Variants in DNAH11 observed in about 807,000 individuals in gnomAD.
DNAH11 encodes dynein axonemal heavy chain 11, also known as axonemal beta dynein heavy chain 11.
DNAH11 carries 442 observed loss-of-function variants against 526.0 expected under a neutral mutation model. The observed-to-expected ratio is 0.84, with a 90% CI of 0.78 to 0.91. The LOEUF is 0.91. DNAH11 is among the 40% of genes least tolerant of loss of function. DNAH11 has a pLI of 0.00. For synonymous variants in DNAH11, 2,461 were observed against 1,935.9 expected, an observed-to-expected ratio of 1.27 and a Z score of -7.12; for missense variants, 6,989 against 5,448.7, an observed-to-expected ratio of 1.28 and a Z score of -8.90.
chr7:21,843,574 G>C (rs1782299589), intron 66 of DNAH11, among the ~76,000 whole-genome samples: 1 of 150,630 alleles, frequency 6.6e-6, no homozygotes, highest in Non-Finnish European at 1.5e-5. Context: ...TCCGCCTCCT[G>C]GGTTCAAGCG....
intron 30 of DNAH11, among the ~76,000 whole-genome samples, chr7:21,662,977 A>G (rs1782293350): frequency 6.6e-6 from 1 of 151,826 alleles, no homozygotes; most frequent in African/African-American, 2.4e-5. Flanking sequence ...TCCACCCCTT[A>G]CCACCCCCTA....
At position 21,901,007 on chromosome 7, in the gene DNAH11, G is replaced by GCGCC; in HGVS notation, c.13308_13311dup (p.Trp4438ProfsTer11). The GCGCC allele has an allele frequency of 6.3e-7, 1 of 1,583,418 alleles. No individual in the cohort carries two copies. The highest frequency in any genetic ancestry group is 8.6e-7 in the Non-Finnish European group (1 of 1,165,298). ...TGCAACCGCTGTGTTTTTGCCATAGGCGCCCGCTGGGACACCCAAGCAGGA... is the reference window on the plus strand; with the variant it reads ...TGCAACCGCTGTGTTTTTGCCATAGGCGCCCGCCCGCTGGGACACCCAAGCAGGA... On this transcript the variant is annotated frameshift_variant and splice_region_variant, in exon 82 of 82. Coordinates refer to ENST00000409508, the MANE Select transcript of DNAH11 (RefSeq NM_001277115.2). LOFTEE classifies it high-confidence loss of function.
rs1427659505 is a variant in DNAH11 at position 21,655,823 on chromosome 7, TC to T, written c.4945-8del. 6 of 1,610,480 alleles carry T rather than the reference TC, an allele frequency of 3.7e-6. No individual in the cohort carries two copies. In the South Asian group the frequency reaches 6.6e-5, roughly 18 times the overall value. ...AATGTTCTTATCTTTTCTAATATTC[TC>T]ATTTTAGGTAACATGTCACCTTGCC... On this transcript the variant is annotated splice_polypyrimidine_tract_variant and splice_region_variant and intron_variant, in intron 28 of 81. Coordinates refer to ENST00000409508, the MANE Select transcript of DNAH11 (RefSeq NM_001277115.2).
intron 51 of DNAH11, among the ~76,000 whole-genome samples, chr7:21,745,898 A>C (rs1253324821): frequency 6.6e-6 from 1 of 152,226 alleles, no homozygotes; most frequent in Non-Finnish European, 1.5e-5. Context: ...GAGGAAGAAC[A>C]TTCTAGACAG....
intron 28 of DNAH11, among the ~76,000 whole-genome samples, chr7:21,648,718 T>C (rs147509404): frequency 1.6e-4 from 24 of 152,362 alleles, no homozygotes; most frequent in African/African-American, 5.5e-4. Context: ...GTTATGTATT[T>C]ACATATTTAT....
intron 77 of DNAH11, 85 bp downstream of exon 77, chr7:21,892,752 A>G (rs909011214): frequency 1.5e-5 from 22 of 1,427,112 alleles, no homozygotes; most frequent in East Asian, 2.5e-5. Context: ...GTGCAAATCA[A>G]TAAGTTTTTA....
At chr7:21,611,783 C>T (rs1313780038) in intron 20 of DNAH11, among the ~76,000 whole-genome samples, 1 of 152,178 alleles carries the variant, frequency 6.6e-6, no homozygotes, top group African/African-American at 2.4e-5. Context: ...GGGAAAAATT[C>T]TCTCTCAATA....
chr7:21,793,061 G>A (rs935142142), intron 61 of DNAH11, among the ~76,000 whole-genome samples: 10 of 152,054 alleles, frequency 6.6e-5, no homozygotes, highest in South Asian at 2.1e-4. Flanking sequence ...TCCATAGACC[G>A]AATATATTAG....
chr7:21,576,848 C>A (rs1784114103), intron 8 of DNAH11, among the ~76,000 whole-genome samples: 1 of 152,134 alleles, frequency 6.6e-6, no homozygotes. Flanking sequence ...AAGATTGAAA[C>A]TTACTTTGGG....
chr7:21,584,441 TA>T (rs1355572668), intron 9 of DNAH11, among the ~76,000 whole-genome samples: 1 of 151,732 alleles, frequency 6.6e-6, no homozygotes. Context: ...AGTGGGGGGC[TA>T]GGGGAGAGGT....
chr7:21,898,606 A>G (rs544683795), intron 79 of DNAH11, among the ~76,000 whole-genome samples: 4 of 152,236 alleles, frequency 2.6e-5, no homozygotes, highest in African/African-American at 9.6e-5. Context: ...GAAACTTACA[A>G]TTCAAGGTTT....
At chr7:21,828,735 T>G (rs59018856) in intron 65 of DNAH11, among the ~76,000 whole-genome samples, 1 of 150,024 alleles carries the variant, frequency 6.7e-6, no homozygotes, top group Non-Finnish European at 1.5e-5. Flanking sequence ...AATCTACTTA[T>G]GACTTTTTTT....
At chr7:21,889,125 G>C (rs1014940232) in intron 76 of DNAH11, among the ~76,000 whole-genome samples, 3 of 150,470 alleles carry the variant, frequency 2.0e-5, no homozygotes, top group Non-Finnish European at 4.4e-5. Flanking sequence ...CTATAGATTT[G>C]CATGTTCTGG....
At chr7:21,824,518 C>T (rs1790192239) in intron 65 of DNAH11, among the ~76,000 whole-genome samples, 1 of 151,984 alleles carries the variant, frequency 6.6e-6, no homozygotes, top group Non-Finnish European at 1.5e-5. Context: ...ATATGAAGAT[C>T]AAAGATCTGT....
intron 54 of DNAH11, among the ~76,000 whole-genome samples, chr7:21,760,362 TC>T (rs1322175906): frequency 6.6e-6 from 1 of 152,172 alleles, no homozygotes. Context: ...CCAGCTCTGT[TC>T]TTTTGGGGAC....
intron 77 of DNAH11, among the ~76,000 whole-genome samples, chr7:21,894,208 A>G (rs1784426984): frequency 6.6e-6 from 1 of 152,084 alleles, no homozygotes; most frequent in South Asian, 2.1e-4. Flanking sequence ...TGTGGCTTTT[A>G]AAAGGATCTT....
chr7:21,568,292 G>A (rs762970819), intron 6 of DNAH11, among the ~76,000 whole-genome samples: 5 of 152,174 alleles, frequency 3.3e-5, no homozygotes, highest in Non-Finnish European at 5.9e-5. Context: ...TTGAGTGTGC[G>A]ATGATAGAGC....
intron 51 of DNAH11, among the ~76,000 whole-genome samples, chr7:21,747,503 G>A (rs1179734144): frequency 1.3e-5 from 2 of 152,034 alleles, no homozygotes; most frequent in African/African-American, 4.8e-5. Context: ...TGTTTTGTTG[G>A]TTTTCTTAAT....
chr7:21,857,875 G>T (rs1416144760), intron 68 of DNAH11, among the ~76,000 whole-genome samples: 1 of 152,028 alleles, frequency 6.6e-6, no homozygotes, highest in East Asian at 1.9e-4. Flanking sequence ...AGAGGGCTTT[G>T]GGTTAGGCAA....
Sources: allele counts gnomAD v4.1 joint callset (sites outside exome capture counted in the v4.1 genomes callset), GRCh38; gene constraint gnomAD v4.1.1; transcripts MANE v1.5; gene names NCBI Gene and HGNC (gene_info 2026-07-23, HGNC 2026-07-21).